Variants in MYRIP observed in about 807,000 individuals in gnomAD.
MYRIP encodes myosin VIIA and Rab interacting protein, also known as rab effector MyRIP.
MYRIP carries 49 observed loss-of-function variants against 98.0 expected under a neutral mutation model. The observed-to-expected ratio is 0.50, with a 90% CI of 0.40 to 0.63. The LOEUF (loss-of-function observed/expected upper bound fraction) is 0.63. MYRIP is among the 30% of genes least tolerant of loss of function. The pLI, the probability that MYRIP is intolerant of heterozygous loss-of-function variation, is 0.00. For synonymous variants in MYRIP, 404 were observed against 409.5 expected (o/e 0.99, Z 0.16); for missense variants, 1,004 against 1,058.2 (o/e 0.95, Z 0.71).
In MYRIP at chr3:39,826,210, A is replaced by G. The variant is rs867640165; in HGVS notation, c.-31+16294A>G. ...TATTTTTTCTTTCTACTAATTTTGA[A>G]TTTGGTATGTTTTTGCTCTTCTATT... On this transcript the variant is annotated intron_variant, in intron 1 of 16. Transcript: ENST00000302541. 6.0e-5 allele frequency among the ~76,000 whole-genome samples: 9 copies of G among 150,858 alleles called. No homozygotes were observed. The South Asian group carries it at 1.7e-3, about 28-fold the overall frequency.
chr3:39,984,668 A>G (rs1388651990), intron 2 of MYRIP, among the ~76,000 whole-genome samples: 2 of 152,064 alleles, frequency 1.3e-5, no homozygotes, highest in Admixed American at 6.5e-5. Context: ...GCTGTTGTGA[A>G]TAATGCCTCA....
At chr3:39,845,878 G>C (rs1456712218) in intron 1 of MYRIP, among the ~76,000 whole-genome samples, 2 of 144,942 alleles carry the variant, frequency 1.4e-5, no homozygotes, top group Non-Finnish European at 3.0e-5. Context: ...AAAAATTCAT[G>C]CTTCCAGTAG....
At chr3:40,163,792 G>A (rs928595050) in intron 5 of MYRIP, among the ~76,000 whole-genome samples, 1 of 152,042 alleles carries the variant, frequency 6.6e-6, no homozygotes, top group African/African-American at 2.4e-5. Context: ...AATCACATGA[G>A]CCAGTTCCCA....
At chr3:40,189,135 A>G (rs188195548) in intron 9 of MYRIP, among the ~76,000 whole-genome samples, 96 of 152,294 alleles carry the variant, frequency 6.3e-4, no homozygotes, top group Non-Finnish European at 1.2e-3. Context: ...CAGGTAGAGG[A>G]TGCACCTCGT....
intron 2 of MYRIP, among the ~76,000 whole-genome samples, chr3:39,921,809 G>C (rs888138353): frequency 6.7e-6 from 1 of 150,322 alleles, no homozygotes; most frequent in Middle Eastern, 3.2e-3. Flanking sequence ...TTGAACCTGG[G>C]AGGCAGAGGT....
chr3:39,998,630 T>A (rs887215621), intron 2 of MYRIP, among the ~76,000 whole-genome samples: 5 of 152,056 alleles, frequency 3.3e-5, no homozygotes, highest in African/African-American at 4.8e-5. Context: ...TTCAATGCCA[T>A]CCCCATCAAG....
In MYRIP at chr3:39,930,782, A is replaced by G. The variant is rs72870008; in HGVS notation, c.110+29856A>G. The stretch of plus-strand genomic sequence containing the variant: ...CTCAGTACCATTTATTGAAAAGACT[A>G]CTGTTCCTCATTTAATTGTCTTGGT... On this transcript the variant is annotated intron_variant, in intron 2 of 16. Coordinates refer to ENST00000302541, the MANE Select transcript of MYRIP (RefSeq NM_015460.4). Among the ~76,000 whole-genome samples the G allele has an allele frequency of 2.3e-3, 355 of 152,120 alleles. 1 individual carries two copies. Among genetic ancestry groups the G allele is most frequent in the African/African-American group, 8.2e-3 (341 of 41,542 alleles).
chr3:40,220,085 GTGA>G (rs1289845713), intron 11 of MYRIP, among the ~76,000 whole-genome samples: 3 of 151,730 alleles, frequency 2.0e-5, no homozygotes, highest in Non-Finnish European at 4.4e-5. Flanking sequence ...CTGATGGCCA[GTGA>G]TGATGAGCAT....
chr3:40,048,534 G>A (rs376952112), intron 3 of MYRIP, among the ~76,000 whole-genome samples: 39 of 152,034 alleles, frequency 2.6e-4, no homozygotes, highest in Admixed American at 1.6e-3. Flanking sequence ...TGAGAGAGTC[G>A]GATTAGAAAC....
Position 39,918,297 on chromosome 3 carries a change from T to C in MYRIP, c.110+17371T>C, listed in dbSNP as rs1261996649. Among the ~76,000 whole-genome samples the C allele has an allele frequency of 2.0e-5, 3 of 152,230 alleles. No individual in the cohort carries two copies. In the East Asian group the frequency reaches 5.8e-4, roughly 29 times the overall value. Reference sequence around the variant, plus strand: ...CAAATAAACTCTATATTTAATCATATTTTCTAACTCTGATTATTTAAAGTT... The same window carrying C: ...CAAATAAACTCTATATTTAATCATACTTTCTAACTCTGATTATTTAAAGTT... On this transcript the variant is annotated intron_variant, in intron 2 of 16. Transcript: ENST00000302541.
chr3:39,877,824 C>T (rs1187107756), intron 1 of MYRIP, among the ~76,000 whole-genome samples: 1 of 152,188 alleles, frequency 6.6e-6, no homozygotes, highest in Non-Finnish European at 1.5e-5. Flanking sequence ...GCAGTCTGCC[C>T]ATTCTCAGAT....
chr3:39,981,902 TA>T (rs1010191682), intron 2 of MYRIP, among the ~76,000 whole-genome samples: 2 of 151,972 alleles, frequency 1.3e-5, no homozygotes, highest in Admixed American at 1.3e-4. Flanking sequence ...ATAGGTTAAA[TA>T]AAAGTGAACT....
At chr3:39,814,966 T>C (rs372455871) in intron 1 of MYRIP, among the ~76,000 whole-genome samples, 2 of 152,320 alleles carry the variant, frequency 1.3e-5, no homozygotes, top group African/African-American at 2.4e-5. Flanking sequence ...CTGAAACTTG[T>C]ATTAGGCACC....
At chr3:39,996,167 A>G (rs1296315103) in intron 2 of MYRIP, among the ~76,000 whole-genome samples, 4 of 152,228 alleles carry the variant, frequency 2.6e-5, no homozygotes, top group African/African-American at 9.6e-5. Context: ...GACAGGATCA[A>G]ATTGACACCT....
At chr3:39,893,438 G>A (rs767971920) in intron 1 of MYRIP, among the ~76,000 whole-genome samples, 5 of 152,022 alleles carry the variant, frequency 3.3e-5, no homozygotes, top group Non-Finnish European at 5.9e-5. Context: ...ACCACCTCTT[G>A]TTTTATGGTC....
At chr3:39,828,287 TTC>T (rs1941333189) in intron 1 of MYRIP, among the ~76,000 whole-genome samples, 1 of 152,090 alleles carries the variant, frequency 6.6e-6, no homozygotes, top group Non-Finnish European at 1.5e-5. Flanking sequence ...TTAAATTCTT[TTC>T]TCTCTCATTT....
At chr3:39,941,156 A>C (rs1485037690) in intron 2 of MYRIP, among the ~76,000 whole-genome samples, 4 of 152,150 alleles carry the variant, frequency 2.6e-5, no homozygotes, top group Admixed American at 2.6e-4. Context: ...GTAATTTAAA[A>C]AGAAAAGAGG....
intron 16 of MYRIP, 125 bp from the exon 17 acceptor site, chr3:40,258,009 A>G: frequency 9.9e-7 from 1 of 1,009,694 alleles, no homozygotes. Flanking sequence ...AATGTTGTGA[A>G]ACATCTAACT....
intron 1 of MYRIP, among the ~76,000 whole-genome samples, chr3:39,835,696 A>C (rs894169152): frequency 6.6e-6 from 1 of 152,044 alleles, no homozygotes; most frequent in African/African-American, 2.4e-5. Context: ...TGTACCTATC[A>C]ACCTGTTATC....
Sources: allele counts gnomAD v4.1 joint callset (sites outside exome capture counted in the v4.1 genomes callset), GRCh38; gene constraint gnomAD v4.1.1; transcripts MANE v1.5; gene names NCBI Gene and HGNC (gene_info 2026-07-23, HGNC 2026-07-21).